Variants in CACNA1A observed in about 807,000 individuals in gnomAD.
CACNA1A encodes the protein calcium voltage-gated channel subunit alpha1 A.
In CACNA1A, 57 loss-of-function variants were observed where a neutral mutation model predicts 262.4. That is an observed-to-expected ratio of 0.22 (90% confidence interval 0.18 to 0.27). The LOEUF is 0.27. CACNA1A is among the 10% of genes least tolerant of loss of function. CACNA1A has a pLI of 1.00. For synonymous variants in CACNA1A, 1,431 were observed against 1,419.3 expected, an observed-to-expected ratio of 1.01 and a Z score of -0.18; for missense variants, 2,526 against 3,562.8, an observed-to-expected ratio of 0.71 and a Z score of 7.41.
At chr19:13,251,612 C>G (rs1000648562) in intron 30 of CACNA1A, among the ~76,000 whole-genome samples, 1 of 152,014 alleles carries the variant, frequency 6.6e-6, no homozygotes, top group African/African-American at 2.4e-5. Context: ...TCTTATAATG[C>G]AGTATGAAAA....
chr19:13,221,351 G>C (rs1403661950), intron 38 of CACNA1A, among the ~76,000 whole-genome samples: 1 of 144,304 alleles, frequency 6.9e-6, no homozygotes, highest in Non-Finnish European at 1.5e-5. Context: ...CTTGTGCTCA[G>C]CTTCCCAAGT....
At chr19:13,338,928 T>C (rs778776276) in intron 6 of CACNA1A, among the ~76,000 whole-genome samples, 1 of 152,144 alleles carries the variant, frequency 6.6e-6, no homozygotes, top group Non-Finnish European at 1.5e-5. Flanking sequence ...TGCAGTGGCA[T>C]GATCTCAGCT....
At chr19:13,255,691 T>TC (rs1472102818) in intron 28 of CACNA1A, among the ~76,000 whole-genome samples, 3 of 41,576 alleles carry the variant, frequency 7.2e-5, no homozygotes, top group South Asian at 1.5e-3. Context: ...CTTCCTTCCT[T>TC]CCTCCCTCCT....
intron 3 of CACNA1A, among the ~76,000 whole-genome samples, chr19:13,395,782 T>A (rs2059800544): frequency 6.6e-6 from 1 of 150,848 alleles, no homozygotes; most frequent in African/African-American, 2.4e-5. Flanking sequence ...TCCTGCCCCA[T>A]ACCCGGAAGG....
Position 13,409,549 on chromosome 19 carries a change from T to G in CACNA1A, c.540-37770A>C, listed in dbSNP as rs561151586. ...CAAATAATAATAAGAAGAAGAAGAATAAGAATTTCTTTTTGAGGCAGGGTC... is the reference window on the plus strand; with the variant it reads ...CAAATAATAATAAGAAGAAGAAGAAGAAGAATTTCTTTTTGAGGCAGGGTC... On this transcript the variant is annotated intron_variant, in intron 3 of 46. Transcript: ENST00000360228. Among the ~76,000 whole-genome samples the G allele has an allele frequency of 1.4e-3, 218 of 152,136 alleles. 2 individuals are homozygous for G. Among genetic ancestry groups the G allele is most frequent in the Middle Eastern group, 6.8e-3 (2 of 294 alleles).
At chr19:13,359,558 C>T (rs369257095) in intron 6 of CACNA1A, 48 bp downstream of exon 6, 507 of 1,486,090 alleles carry the variant, frequency 3.4e-4, no homozygotes, top group Non-Finnish European at 4.5e-4. Context: ...AGGAGGCCAC[C>T]TCCCTGAGAC....
intron 25 of CACNA1A, 118 bp from the exon 26 acceptor site, chr19:13,261,728 A>C: frequency 3.0e-6 from 3 of 1,004,802 alleles, no homozygotes; most frequent in Admixed American, 2.1e-5. Context: ...AGGCAAGGTC[A>C]TAAGTCAAGT....
intron 10 of CACNA1A, among the ~76,000 whole-genome samples, chr19:13,324,398 AG>A (rs1369983332): frequency 6.6e-6 from 1 of 152,232 alleles, no homozygotes; most frequent in Non-Finnish European, 1.5e-5. Flanking sequence ...ATTAATAAAT[AG>A]TAATGTGTTG....
rs1341146829 is a variant in CACNA1A, at chr19:13,241,135, T to G, written c.4950+4047A>C. On this transcript the variant is annotated intron_variant, in intron 31 of 46. Coordinates refer to ENST00000360228, the MANE Select transcript of CACNA1A (RefSeq NM_001127222.2). This position sits in a 1 kb window ranked among gnomAD's most constrained non-coding sequence, Gnocchi z 4.0. ...TCCTGGGGCCTGGGGTCCATGGAGC[T>G]GAATGGGGGACAGGAGTGGTGAGAG... Among the ~76,000 whole-genome samples the G allele has an allele frequency of 6.6e-6, 1 of 152,086 alleles. No homozygotes were observed. Among genetic ancestry groups the G allele is most frequent in the East Asian group, 1.9e-4 (1 of 5,196 alleles).
intron 8 of CACNA1A, 147 bp from the exon 9 acceptor site, chr19:13,333,072 T>A (rs1350887487): frequency 4.9e-6 from 3 of 606,616 alleles, no homozygotes; most frequent in Non-Finnish European, 8.9e-6. Context: ...TGCTGGGTGG[T>A]TTGTGACTTC....
intron 3 of CACNA1A, among the ~76,000 whole-genome samples, chr19:13,437,338 G>A (rs182574454): frequency 6.4e-4 from 98 of 152,282 alleles, no homozygotes; most frequent in Non-Finnish European, 1.1e-3. Context: ...TGATCTCTAC[G>A]CCGGCCTCGG....
At chr19:13,449,379 C>T (rs930765058) in intron 3 of CACNA1A, among the ~76,000 whole-genome samples, 1 of 152,146 alleles carries the variant, frequency 6.6e-6, no homozygotes, top group African/African-American at 2.4e-5. Flanking sequence ...CTCACTACAG[C>T]GTCGACCTTA....
At chr19:13,235,506 G>A in intron 32 of CACNA1A, 108 bp downstream of exon 32, 2 of 835,530 alleles carry the variant, frequency 2.4e-6, no homozygotes, top group Non-Finnish European at 2.0e-6. Flanking sequence ...CAGATTCTCT[G>A]CACGACTACA....
chr19:13,487,287 A>G (rs75265765), intron 1 of CACNA1A, among the ~76,000 whole-genome samples: 1,601 of 152,306 alleles, frequency 0.011, 23 homozygotes, highest in African/African-American at 0.036. Flanking sequence ...TGATGAGTAG[A>G]ACCAGGGTGC....
intron 12 of CACNA1A, among the ~76,000 whole-genome samples, chr19:13,311,686 A>C (rs1003051631): frequency 6.6e-6 from 1 of 151,986 alleles, no homozygotes; most frequent in African/African-American, 2.4e-5. Flanking sequence ...AAATACAAAA[A>C]ATTAGCCAGG....
chr19:13,469,577 T>C (rs2061315141), intron 1 of CACNA1A, among the ~76,000 whole-genome samples: 1 of 146,602 alleles, frequency 6.8e-6, no homozygotes, highest in South Asian at 2.2e-4. Context: ...GGCTCCTGAG[T>C]AGCTGGGACT....
At chr19:13,382,940 C>T (rs955417507) in intron 3 of CACNA1A, among the ~76,000 whole-genome samples, 8 of 152,182 alleles carry the variant, frequency 5.3e-5, no homozygotes, top group African/African-American at 1.9e-4. Context: ...GAGGTTCCTA[C>T]CACTGAGTAA....
chr19:13,360,804 C>T (rs560883888), intron 5 of CACNA1A, among the ~76,000 whole-genome samples: 2 of 152,326 alleles, frequency 1.3e-5, no homozygotes, highest in African/African-American at 2.4e-5. Flanking sequence ...AAAGCTCAGA[C>T]ATCATATCAT....
At chr19:13,390,034 C>T (rs1461082838) in intron 3 of CACNA1A, among the ~76,000 whole-genome samples, 1 of 151,578 alleles carries the variant, frequency 6.6e-6, no homozygotes, top group Non-Finnish European at 1.5e-5. Flanking sequence ...AGGGTGGTCT[C>T]GATCTCCTGA....
Sources: allele counts gnomAD v4.1 joint callset (sites outside exome capture counted in the v4.1 genomes callset), GRCh38; gene constraint gnomAD v4.1.1; non-coding constraint Gnocchi (gnomAD v3.1); transcripts MANE v1.5; gene names NCBI Gene and HGNC (gene_info 2026-07-23, HGNC 2026-07-21).